SLC35F1: variants seen among roughly 807,000 people sequenced by gnomAD.
The protein encoded by SLC35F1 is chromosome 6 open reading frame 169.
A neutral mutation model predicts 48.7 loss-of-function variants in SLC35F1; 14 were observed. The observed-to-expected ratio is 0.29, with a 90% CI of 0.19 to 0.45. The LOEUF is 0.45. SLC35F1 is among the 20% of genes least tolerant of loss of function. SLC35F1 has a pLI of 1.00. For missense variants in SLC35F1, 404 were observed against 500.0 expected, an observed-to-expected ratio of 0.81 and a Z score of 1.83; for synonymous variants, 190 against 202.2, an observed-to-expected ratio of 0.94 and a Z score of 0.51.
intron 1 of SLC35F1, among the ~76,000 whole-genome samples, chr6:118,048,294 T>C (rs982848248): frequency 3.3e-5 from 5 of 152,134 alleles, no homozygotes; most frequent in African/African-American, 1.2e-4. Context: ...CAGTATTTTA[T>C]TGAGGATTTT....
chr6:118,076,742 C>T (rs1267139016), intron 1 of SLC35F1, among the ~76,000 whole-genome samples: 1 of 152,178 alleles, frequency 6.6e-6, no homozygotes, highest in Non-Finnish European at 1.5e-5. Context: ...TTCATATTCT[C>T]ACCATGAATT....
At chr6:118,177,762 GT>G (rs201398743) in intron 2 of SLC35F1, among the ~76,000 whole-genome samples, 1 of 150,334 alleles carries the variant, frequency 6.7e-6, no homozygotes, top group Non-Finnish European at 1.5e-5. Flanking sequence ...CATCGTTTTT[GT>G]TTTTTTTTAA....
chr6:118,163,386 G>T (rs1157522204), intron 2 of SLC35F1, among the ~76,000 whole-genome samples: 1 of 150,796 alleles, frequency 6.6e-6, no homozygotes, highest in African/African-American at 2.5e-5. Flanking sequence ...TACTCTTAAT[G>T]AATCCTTACA....
At chr6:117,963,125 T>C (rs1265701562) in intron 1 of SLC35F1, among the ~76,000 whole-genome samples, 1 of 152,170 alleles carries the variant, frequency 6.6e-6, no homozygotes, top group Non-Finnish European at 1.5e-5. Flanking sequence ...AATTTCAAAA[T>C]ACCTAAGGTT....
At chr6:118,185,538 T>C (rs1774643745) in intron 2 of SLC35F1, among the ~76,000 whole-genome samples, 1 of 152,150 alleles carries the variant, frequency 6.6e-6, no homozygotes, top group Admixed American at 6.5e-5. Flanking sequence ...TCTCTCCTTA[T>C]CCGTATAGTA....
intron 3 of SLC35F1, among the ~76,000 whole-genome samples, chr6:118,244,712 T>C (rs1477997407): frequency 6.6e-6 from 1 of 152,254 alleles, no homozygotes; most frequent in East Asian, 1.9e-4. Context: ...TATTTGTATA[T>C]TTTCTCTTTC....
At chr6:118,007,435 G>C (rs74533803) in intron 1 of SLC35F1, among the ~76,000 whole-genome samples, 2,626 of 152,230 alleles carry the variant, frequency 0.017, 30 homozygotes, top group East Asian at 0.032. Flanking sequence ...GAGGGCATGT[G>C]GTCTTCCACC....
At chr6:118,102,934 G>T (rs746510688) in intron 1 of SLC35F1, among the ~76,000 whole-genome samples, 1 of 152,148 alleles carries the variant, frequency 6.6e-6, no homozygotes, top group Non-Finnish European at 1.5e-5. Flanking sequence ...ATTTGCACCC[G>T]TGTTTTGTGC....
intron 1 of SLC35F1, among the ~76,000 whole-genome samples, chr6:117,975,880 T>C (rs926675573): frequency 6.6e-6 from 1 of 152,232 alleles, no homozygotes. Context: ...ATCCCTCTTC[T>C]GGAAATTCTG....
chr6:117,929,487 GTA>G (rs1491091283), intron 1 of SLC35F1, among the ~76,000 whole-genome samples: 2 of 149,686 alleles, frequency 1.3e-5, no homozygotes, highest in African/African-American at 4.9e-5. Context: ...GTGTGTGTGT[GTA>G]TAGAGAGAGA....
At chr6:118,297,758 T>C (rs1776209921) in intron 7 of SLC35F1, among the ~76,000 whole-genome samples, 1 of 141,676 alleles carries the variant, frequency 7.1e-6, no homozygotes, top group East Asian at 2.0e-4. Flanking sequence ...ATATATAATA[T>C]ATATATAATA....
At chr6:117,998,956 C>A (rs9555) in intron 1 of SLC35F1, 26 of 926,868 alleles carry the variant, frequency 2.8e-5, no homozygotes, top group Non-Finnish European at 5.3e-6. Flanking sequence ...CTTCGGGAGC[C>A]GCGGCTTATG....
intron 1 of SLC35F1, among the ~76,000 whole-genome samples, chr6:118,084,434 G>T (rs541353087): frequency 1.3e-5 from 2 of 152,102 alleles, no homozygotes; most frequent in South Asian, 2.1e-4. Context: ...GTTTCTAAAC[G>T]ATACAAGGCT....
At chr6:118,243,181 T>C (rs1775463010) in intron 3 of SLC35F1, among the ~76,000 whole-genome samples, 1 of 152,176 alleles carries the variant, frequency 6.6e-6, no homozygotes, top group African/African-American at 2.4e-5. Flanking sequence ...CCTTTCTGGG[T>C]TCACTCTTAA....
intron 7 of SLC35F1, among the ~76,000 whole-genome samples, chr6:118,309,424 A>C (rs965716496): frequency 6.6e-6 from 1 of 152,018 alleles, no homozygotes; most frequent in African/African-American, 2.4e-5. Flanking sequence ...AAAGGAAAAA[A>C]CCAGGCCCAC....
At chr6:118,093,043 C>T (rs1773097580) in intron 1 of SLC35F1, among the ~76,000 whole-genome samples, 1 of 152,096 alleles carries the variant, frequency 6.6e-6, no homozygotes, top group Non-Finnish European at 1.5e-5. Context: ...GATGGCCAGG[C>T]ACGGTGGCTC....
chr6:117,946,387 G>C (rs1435159631), intron 1 of SLC35F1, among the ~76,000 whole-genome samples: 3 of 152,148 alleles, frequency 2.0e-5, no homozygotes, highest in African/African-American at 7.2e-5. Flanking sequence ...CTGATTTTGT[G>C]CTTCTTAGTT....
chr6:117,911,901 G>A (rs1452332335), intron 1 of SLC35F1, among the ~76,000 whole-genome samples: 1 of 152,194 alleles, frequency 6.6e-6, no homozygotes, highest in Non-Finnish European at 1.5e-5. Flanking sequence ...AGTAGCTACT[G>A]ACCTACATAT....
intron 2 of SLC35F1, among the ~76,000 whole-genome samples, chr6:118,173,428 G>A (rs994813254): frequency 4.0e-5 from 6 of 150,774 alleles, no homozygotes; most frequent in African/African-American, 1.5e-4. Flanking sequence ...CAAAACTTTA[G>A]GTTTTAATGG....
Sources: gnomAD v4.1 joint callset for allele counts (sites outside exome capture counted in the v4.1 genomes callset) on GRCh38, gnomAD v4.1.1 for gene constraint, MANE v1.5 for transcripts, NCBI Gene and HGNC (gene_info 2026-07-23, HGNC 2026-07-21) for gene names.